DENND1A: variants seen among roughly 807,000 people sequenced by gnomAD.
The protein encoded by DENND1A is DENN domain-containing protein 1A.
In DENND1A, 51 loss-of-function variants were observed where a neutral mutation model predicts 113.7. That is an observed-to-expected ratio of 0.45 (90% CI 0.36 to 0.57). The LOEUF (loss-of-function observed/expected upper bound fraction) is 0.57, where lower values mean the gene tolerates loss of function less well. DENND1A is among the 20% of genes least tolerant of loss of function. The probability of loss-of-function intolerance (pLI) is 0.00; values close to 1 mark genes in which losing one functional copy is unlikely to be tolerated. For missense variants in DENND1A, 1,258 were observed against 1,395.9 expected, an observed-to-expected ratio of 0.90 and a Z score of 1.57; for synonymous variants, 565 against 570.8, an observed-to-expected ratio of 0.99 and a Z score of 0.14.
chr9:123,482,635 C>G (rs1054640951), intron 13 of DENND1A, among the ~76,000 whole-genome samples: 13 of 152,158 alleles, frequency 8.5e-5, no homozygotes, highest in African/African-American at 3.1e-4. Context: ...CAGTCAGCTA[C>G]CTGAGGATAG....
At chr9:123,497,432 C>T (rs894293229) in intron 13 of DENND1A, among the ~76,000 whole-genome samples, 1 of 152,216 alleles carries the variant, frequency 6.6e-6, no homozygotes, top group Non-Finnish European at 1.5e-5. Context: ...ATCCTCTCAG[C>T]TCAGCTCCCC....
intron 5 of DENND1A, among the ~76,000 whole-genome samples, chr9:123,727,727 G>T (rs984701162): frequency 3.9e-5 from 6 of 152,024 alleles, no homozygotes; most frequent in African/African-American, 1.2e-4. Context: ...AAAAAAAAGG[G>T]AATAAATATT....
At chr9:123,795,932 T>C (rs2132115908) in intron 2 of DENND1A, among the ~76,000 whole-genome samples, 1 of 152,298 alleles carries the variant, frequency 6.6e-6, no homozygotes. Context: ...ACCCAAGAAT[T>C]GTCCTGCTGA....
intron 2 of DENND1A, among the ~76,000 whole-genome samples, chr9:123,828,252 C>CA (rs1285270193): frequency 3.3e-5 from 5 of 150,550 alleles, no homozygotes; most frequent in Admixed American, 6.6e-5. Context: ...GATTTTAGAA[C>CA]AAAAAAATGA....
In DENND1A at chr9:123,678,473, T is replaced by TGC. The variant is rs1220511459; in HGVS notation, c.303-1686_303-1685dup. On this transcript the variant is annotated intron_variant, in intron 5 of 23. Transcript: ENST00000394215. ...AAGCGCTTGCCGGCCTGGTCATGTC[T>TGC]GCCCTGCTGTGCTAACAGAGTCCAA... Among the ~76,000 whole-genome samples, 12 of 152,328 alleles carry TGC rather than the reference T, an allele frequency of 7.9e-5. No individual in the cohort carries two copies. In the East Asian group the frequency reaches 2.3e-3, roughly 29 times the overall value.
chr9:123,655,418 C>T (rs921386740), intron 8 of DENND1A, among the ~76,000 whole-genome samples: 3 of 152,046 alleles, frequency 2.0e-5, no homozygotes, highest in Non-Finnish European at 2.9e-5. Flanking sequence ...TTAGGAAGAA[C>T]GTAGCATGTG....
At chr9:123,627,693 T>C (rs2061292747) in intron 10 of DENND1A, among the ~76,000 whole-genome samples, 1 of 149,782 alleles carries the variant, frequency 6.7e-6, no homozygotes, top group African/African-American at 2.5e-5. Context: ...TGAGCCCAGA[T>C]TGTGCCACTG....
intron 21 of DENND1A, among the ~76,000 whole-genome samples, chr9:123,403,105 CT>C (rs1424988565): frequency 1.3e-5 from 2 of 152,332 alleles, no homozygotes; most frequent in Non-Finnish European, 2.9e-5. Context: ...GACTCGGCAT[CT>C]TCAGCACAAG....
At chr9:123,701,148 A>G (rs1264789871) in intron 5 of DENND1A, among the ~76,000 whole-genome samples, 1 of 152,234 alleles carries the variant, frequency 6.6e-6, no homozygotes, top group Non-Finnish European at 1.5e-5. Context: ...GAGATTTCAC[A>G]GAACACAAAA....
chr9:123,892,660 A>C (rs186003600), intron 1 of DENND1A, among the ~76,000 whole-genome samples: 1 of 152,326 alleles, frequency 6.6e-6, no homozygotes, highest in Non-Finnish European at 1.5e-5. Flanking sequence ...CCACCATGGC[A>C]CACATTTACC....
chr9:123,792,689 C>A, intron 2 of DENND1A, 59 bp from the exon 3 acceptor site: 7 of 1,574,640 alleles, frequency 4.4e-6, no homozygotes, highest in Non-Finnish European at 6.1e-6. Flanking sequence ...AGCAGAGGAT[C>A]ACACATTAAT....
At chr9:123,570,221 A>G (rs1038266584) in intron 12 of DENND1A, among the ~76,000 whole-genome samples, 1 of 152,200 alleles carries the variant, frequency 6.6e-6, no homozygotes, top group Non-Finnish European at 1.5e-5. Context: ...ATAATGAACA[A>G]ATAATCTCCA....
intron 2 of DENND1A, among the ~76,000 whole-genome samples, chr9:123,848,013 CAAT>C (rs1842845909): frequency 6.6e-6 from 1 of 151,716 alleles, no homozygotes; most frequent in Non-Finnish European, 1.5e-5. Flanking sequence ...ATAAAAAAAT[CAAT>C]AATATCTTAC....
At chr9:123,918,373 A>G (rs1360818262) in intron 1 of DENND1A, among the ~76,000 whole-genome samples, 1 of 151,896 alleles carries the variant, frequency 6.6e-6, no homozygotes, top group Non-Finnish European at 1.5e-5. Context: ...CTGTACTCCC[A>G]GCTACTCGGG....
At chr9:123,438,363 A>G (rs563540818) in intron 19 of DENND1A, among the ~76,000 whole-genome samples, 2 of 152,374 alleles carry the variant, frequency 1.3e-5, no homozygotes, top group East Asian at 3.9e-4. Flanking sequence ...GCTAGCTGGC[A>G]GTTCACTTAC....
chr9:123,497,813 C>CAAAAAAAAAAAAAAAAAAAAA (rs755257150), intron 13 of DENND1A, among the ~76,000 whole-genome samples: 2 of 101,766 alleles, frequency 2.0e-5, no homozygotes, highest in African/African-American at 3.7e-5. Context: ...CTCTTCCATC[C>CAAAAAAAAAAAAAAAAAAAAA]AAAAAAAAAA....
intron 2 of DENND1A, among the ~76,000 whole-genome samples, chr9:123,809,143 A>G (rs1233154523): frequency 5.3e-5 from 8 of 152,184 alleles, no homozygotes; most frequent in Admixed American, 1.3e-4. Flanking sequence ...GGTTTCTATT[A>G]TCTTCAGCTG....
At chr9:123,903,402 C>T (rs752455681) in intron 1 of DENND1A, among the ~76,000 whole-genome samples, 2 of 145,242 alleles carry the variant, frequency 1.4e-5, no homozygotes, top group African/African-American at 2.6e-5. Flanking sequence ...CCCCGGTATA[C>T]AGCTCCCAGC....
chr9:123,926,296 C>T (rs899627730), intron 1 of DENND1A, among the ~76,000 whole-genome samples: 8 of 152,060 alleles, frequency 5.3e-5, no homozygotes, highest in Non-Finnish European at 5.9e-5. Flanking sequence ...GGCACGGTGG[C>T]TCACATCACA....
Sources: gnomAD v4.1 joint callset for allele counts (sites outside exome capture counted in the v4.1 genomes callset) on GRCh38, gnomAD v4.1.1 for gene constraint, MANE v1.5 for transcripts, NCBI Gene and HGNC (gene_info 2026-07-23, HGNC 2026-07-21) for gene names.